The following FMNL2 variants were observed in gnomAD, a reference collection of about 807,000 sequenced individuals.
FMNL2 encodes the protein formin-like protein 2.
Under a neutral mutation model 130.2 loss-of-function variants are expected in FMNL2, and 51 were observed. That is an observed-to-expected ratio of 0.39 (90% confidence interval 0.31 to 0.49). The LOEUF is 0.49. Among genes scored for constraint, FMNL2 ranks in the 20% least tolerant of loss-of-function variants. The pLI, the probability that FMNL2 is intolerant of heterozygous loss-of-function variation, is 0.85. For synonymous variants in FMNL2, 465 were observed against 467.1 expected, an observed-to-expected ratio of 1.00 and a Z score of 0.06; for missense variants, 977 against 1,316.2, an observed-to-expected ratio of 0.74 and a Z score of 3.99.
At position 152,507,037 on chromosome 2, in the gene FMNL2, T is replaced by C. The variant is rs80166041; in HGVS notation, c.118-14906T>C. ...ACAGTTTCGCAAAGGTAAGATGTTA[T>C]GGAAAGGAAATGTTGCGTGACTCAG... On this transcript the variant is annotated intron_variant, in intron 1 of 25. Coordinates refer to ENST00000288670, the MANE Select transcript of FMNL2 (RefSeq NM_052905.4). 6.4e-3 allele frequency among the ~76,000 whole-genome samples: 973 copies of C among 152,328 alleles called. 7 individuals carry two copies. Among genetic ancestry groups the C allele is most frequent in the African/African-American group, 0.022 (920 of 41,572 alleles).
intron 23 of FMNL2, 26 bp from the exon 24 acceptor site, chr2:152,639,932 C>G: frequency 1.3e-6 from 2 of 1,528,000 alleles, no homozygotes; most frequent in Non-Finnish European, 1.8e-6. Context: ...TTAACATCAT[C>G]TTTCTGGTTC....
chr2:152,616,332 T>TTG (rs1305896694), intron 12 of FMNL2, among the ~76,000 whole-genome samples: 21 of 144,562 alleles, frequency 1.5e-4, no homozygotes, highest in African/African-American at 4.9e-4. Flanking sequence ...TGTGGGTTTT[T>TTG]TTTTTTTTTT....
At chr2:152,556,006 C>T (rs1291967050) in intron 4 of FMNL2, among the ~76,000 whole-genome samples, 1 of 152,148 alleles carries the variant, frequency 6.6e-6, no homozygotes, top group Non-Finnish European at 1.5e-5. Flanking sequence ...TTGAAAGTTG[C>T]CCGTTTTTAT....
intron 6 of FMNL2, among the ~76,000 whole-genome samples, chr2:152,566,952 TA>T (rs1166856335): frequency 1.3e-5 from 2 of 152,148 alleles, no homozygotes; most frequent in Non-Finnish European, 2.9e-5. Flanking sequence ...ATGCTTCCTT[TA>T]GGAGACAGTG....
In FMNL2 at chr2:152,610,902, G is replaced by A. The variant is rs116390322; in HGVS notation, c.952-593G>A. On this transcript the variant is annotated intron_variant, in intron 10 of 25. Coordinates refer to ENST00000288670, the MANE Select transcript of FMNL2 (RefSeq NM_052905.4). The stretch of plus-strand genomic sequence containing the variant: ...GCCACCCTTTTTTACATTACCACCA[G>A]CAATGGATGAGGGTTTTAATTTCTC... Among the ~76,000 whole-genome samples, 867 of 152,220 alleles carry A rather than the reference G, an allele frequency of 5.7e-3. 3 individuals are homozygous for A. The highest frequency in any genetic ancestry group is 9.0e-3 in the Non-Finnish European group (611 of 68,004).
rs796089521 is a variant in FMNL2, at chr2:152,548,601, C to G, written c.283-420C>G. ...CACCTGGTTTCCTGCACGTTTTATC[C>G]TATGCACCTTTTCTCTTTGCTGATC... is the stretch of plus-strand genomic sequence containing the variant. On this transcript the variant is annotated intron_variant, in intron 3 of 25. Coordinates refer to ENST00000288670, the MANE Select transcript of FMNL2 (RefSeq NM_052905.4). 4.5e-4 allele frequency among the ~76,000 whole-genome samples: 69 copies of G among 152,256 alleles called. 1 individual carries two copies. The highest frequency in any genetic ancestry group is 1.6e-3 in the African/African-American group (66 of 41,538).
At chr2:152,470,969 G>A (rs949865498) in intron 1 of FMNL2, among the ~76,000 whole-genome samples, 1 of 152,082 alleles carries the variant, frequency 6.6e-6, no homozygotes, top group Non-Finnish European at 1.5e-5. Flanking sequence ...AAAAGAATTG[G>A]CCTCCTACCA....
intron 3 of FMNL2, among the ~76,000 whole-genome samples, chr2:152,545,517 C>CTT (rs1470832614): frequency 3.3e-5 from 5 of 152,168 alleles, no homozygotes; most frequent in African/African-American, 7.2e-5. Context: ...TTAGATATCT[C>CTT]TATGAACAGA....
intron 6 of FMNL2, among the ~76,000 whole-genome samples, chr2:152,573,422 A>T (rs1461714031): frequency 6.6e-6 from 1 of 152,214 alleles, no homozygotes; most frequent in Non-Finnish European, 1.5e-5. Context: ...CAGGTTGATG[A>T]TGAGCAACTC....
intron 1 of FMNL2, among the ~76,000 whole-genome samples, chr2:152,462,264 C>T (rs568914155): frequency 6.6e-6 from 1 of 152,138 alleles, no homozygotes. Context: ...GGGCTAGTGG[C>T]TGTCGTACTC....
intron 9 of FMNL2, among the ~76,000 whole-genome samples, chr2:152,598,887 C>G (rs1046747320): frequency 6.6e-6 from 1 of 152,188 alleles, no homozygotes; most frequent in Non-Finnish European, 1.5e-5. Flanking sequence ...CCATGCTACG[C>G]ATCTGTAAGC....
rs533675736 is a variant in FMNL2 at position 152,591,316 on chromosome 2, G to A, written c.876+10267G>A. 9.7e-4 allele frequency among the ~76,000 whole-genome samples: 147 copies of A among 151,982 alleles called. 1 individual carries two copies. Among genetic ancestry groups the A allele is most frequent in the African/African-American group, 3.4e-3 (141 of 41,460 alleles). ...GAGCCACTGCGCCCGGCCTCCCTCT[G>A]GTAATATTTTATATGGCTAGATTTG... is the stretch of plus-strand genomic sequence containing the variant. On this transcript the variant is annotated intron_variant, in intron 9 of 25. Coordinates refer to ENST00000288670, the MANE Select transcript of FMNL2 (RefSeq NM_052905.4).
intron 1 of FMNL2, among the ~76,000 whole-genome samples, chr2:152,383,273 CTTTTTTTTTT>C (rs35206829): frequency 4.1e-5 from 4 of 97,620 alleles, no homozygotes; most frequent in Admixed American, 1.2e-4. Flanking sequence ...TCCGTTAATC[CTTTTTTTTTT>C]TTTTTTTTTT....
intron 1 of FMNL2, among the ~76,000 whole-genome samples, chr2:152,398,057 A>C (rs1483445259): frequency 6.6e-6 from 1 of 152,140 alleles, no homozygotes; most frequent in Non-Finnish European, 1.5e-5. Context: ...TGGGAGGTGG[A>C]GGTTTTGCAG....
intron 3 of FMNL2, among the ~76,000 whole-genome samples, chr2:152,545,046 G>T (rs1694542474): frequency 6.6e-6 from 1 of 152,164 alleles, no homozygotes; most frequent in Non-Finnish European, 1.5e-5. Flanking sequence ...TTTGGTCTGT[G>T]CTTCATCTTT....
At chr2:152,365,548 G>A (rs895920731) in intron 1 of FMNL2, among the ~76,000 whole-genome samples, 1 of 152,030 alleles carries the variant, frequency 6.6e-6, no homozygotes, top group African/African-American at 2.4e-5. Context: ...GAGGTGGGAG[G>A]ATCACCTGAG....
intron 25 of FMNL2, chr2:152,645,661 A>G (rs2105986871): frequency 2.3e-6 from 1 of 429,134 alleles, no homozygotes; most frequent in Non-Finnish European, 4.1e-6. Flanking sequence ...TGATGCAGGG[A>G]TTGAGCCTCT....
At chr2:152,514,055 G>A (rs145255417) in intron 1 of FMNL2, among the ~76,000 whole-genome samples, 3 of 152,214 alleles carry the variant, frequency 2.0e-5, no homozygotes, top group Non-Finnish European at 4.4e-5. Context: ...GGGAATTGAT[G>A]GGCAGGCCAT....
intron 1 of FMNL2, among the ~76,000 whole-genome samples, chr2:152,336,339 AG>A (rs935664202): frequency 7.2e-5 from 11 of 152,250 alleles, no homozygotes; most frequent in African/African-American, 2.6e-4. Flanking sequence ...GGCGAGGAGC[AG>A]GGGCATCTGA....
Sources: allele counts gnomAD v4.1 joint callset (sites outside exome capture counted in the v4.1 genomes callset), GRCh38; gene constraint gnomAD v4.1.1; transcripts MANE v1.5; gene names NCBI Gene and HGNC (gene_info 2026-07-23, HGNC 2026-07-21).